ERG: variants seen among roughly 807,000 people sequenced by gnomAD.
The protein encoded by ERG is ETS transcription factor ERG.
In ERG, 9 loss-of-function variants were observed where a neutral mutation model predicts 55.3. The ratio of observed to expected loss-of-function variants is 0.16; its 90% CI spans 0.10 to 0.28. The LOEUF is 0.28. ERG is among the 10% of genes least tolerant of loss of function. ERG has a pLI of 1.00. For missense variants in ERG, 434 were observed against 631.6 expected, an observed-to-expected ratio of 0.69 and a Z score of 3.35; for synonymous variants, 223 against 237.3, an observed-to-expected ratio of 0.94 and a Z score of 0.55.
chr21:38,540,591 G>A (rs1020589644), intron 2 of ERG, among the ~76,000 whole-genome samples: 1 of 152,146 alleles, frequency 6.6e-6, no homozygotes, highest in African/African-American at 2.4e-5. Context: ...TGCTCCAGTG[G>A]AATGAAACCC....
intron 1 of ERG, among the ~76,000 whole-genome samples, chr21:38,653,000 C>T (rs151325840): frequency 2.1e-4 from 32 of 152,330 alleles, no homozygotes; most frequent in East Asian, 1.7e-3. Flanking sequence ...CCAGATTGCA[C>T]GGCATTCGCA....
intron 1 of ERG, among the ~76,000 whole-genome samples, chr21:38,615,976 C>A (rs2060256607): frequency 1.3e-5 from 2 of 152,080 alleles, no homozygotes; most frequent in African/African-American, 4.8e-5. Flanking sequence ...CAAATCTCAT[C>A]TCAATTTGTA....
chr21:38,482,008 G>A (rs959646328), intron 1 of ERG, among the ~76,000 whole-genome samples: 6 of 152,140 alleles, frequency 3.9e-5, no homozygotes, highest in African/African-American at 1.4e-4. Flanking sequence ...AATGAAAGTG[G>A]TGTTTGGTTT....
At chr21:38,396,424 T>C (rs1207853505) in intron 6 of ERG, among the ~76,000 whole-genome samples, 1 of 152,244 alleles carries the variant, frequency 6.6e-6, no homozygotes, top group Non-Finnish European at 1.5e-5. Flanking sequence ...AGTTGTATTG[T>C]CTCACTATGC....
chr21:38,571,957 G>A (rs773979881), intron 2 of ERG, among the ~76,000 whole-genome samples: 1 of 152,148 alleles, frequency 6.6e-6, no homozygotes, highest in East Asian at 1.9e-4. Flanking sequence ...GAAAACTCAA[G>A]TCCTTCTCAG....
chr21:38,613,299 G>A (rs761626431), intron 1 of ERG, among the ~76,000 whole-genome samples: 50 of 152,178 alleles, frequency 3.3e-4, no homozygotes, highest in Non-Finnish European at 4.7e-4. Context: ...GTTAGCACAC[G>A]CGGCCCCTTT....
intron 1 of ERG, among the ~76,000 whole-genome samples, chr21:38,631,074 AGAAACC>A (rs1310653814): frequency 1.3e-5 from 2 of 152,252 alleles, no homozygotes; most frequent in African/African-American, 4.8e-5. Flanking sequence ...CAGCCTTGGC[AGAAACC>A]AGGATGTGAC....
At chr21:38,373,103 C>T in the ERG span, among the ~76,000 whole-genome samples, 2 of 152,150 alleles carry the variant, frequency 1.3e-5, no homozygotes, top group African/African-American at 4.8e-5. Context: ...GTACAGGGAT[C>T]CCTGATGGGG....
intron 1 of ERG, among the ~76,000 whole-genome samples, chr21:38,638,881 C>G (rs535595876): frequency 1.3e-5 from 2 of 152,292 alleles, no homozygotes; most frequent in East Asian, 3.9e-4. Flanking sequence ...TTTAGGGTTC[C>G]TCTCCAGAGA....
rs144128732 is a variant in ERG at position 38,491,729 on chromosome 21, C to T, written c.18+6634G>A. Among the ~76,000 whole-genome samples, 1,409 of 152,274 alleles carry T rather than the reference C, an allele frequency of 9.3e-3. 8 individuals carry two copies. The highest frequency in any genetic ancestry group is 0.015 in the Non-Finnish European group (997 of 68,018). On this transcript the variant is annotated intron_variant, in intron 1 of 9. Coordinates refer to ENST00000288319, the MANE Select transcript of ERG (RefSeq NM_182918.4). ...AGACTTGTTAAGGCCTTATGGAAAA[C>T]TCTGACCTGCGTGTTCATTATTGAC... is the stretch of plus-strand genomic sequence containing the variant.
At chr21:38,477,296 G>A (rs189616403) in intron 1 of ERG, among the ~76,000 whole-genome samples, 68 of 152,198 alleles carry the variant, frequency 4.5e-4, no homozygotes, top group African/African-American at 1.5e-3. Context: ...GAGTCACTGC[G>A]CCTGGACTTC....
chr21:38,455,752 T>A (rs567236426), intron 1 of ERG, among the ~76,000 whole-genome samples: 1 of 152,218 alleles, frequency 6.6e-6, no homozygotes, highest in East Asian at 1.9e-4. Flanking sequence ...TTTTAGCTAA[T>A]TTTCATCAGG....
intron 1 of ERG, among the ~76,000 whole-genome samples, chr21:38,619,977 G>C (rs2060280590): frequency 6.6e-6 from 1 of 152,206 alleles, no homozygotes; most frequent in African/African-American, 2.4e-5. Flanking sequence ...GTATTATTCA[G>C]ACTCGAAATG....
chr21:38,605,941 G>A (rs1226724689), intron 1 of ERG, among the ~76,000 whole-genome samples: 1 of 152,114 alleles, frequency 6.6e-6, no homozygotes, highest in South Asian at 2.1e-4. Flanking sequence ...TAGGTAAATA[G>A]GTAGATGATT....
chr21:38,407,453 G>A (rs1988822816), intron 3 of ERG, among the ~76,000 whole-genome samples: 1 of 151,802 alleles, frequency 6.6e-6, no homozygotes, highest in Non-Finnish European at 1.5e-5. Flanking sequence ...TTCAGAGGGA[G>A]ATACAGCAAA....
chr21:38,605,425 T>C (rs2060190834), intron 1 of ERG, among the ~76,000 whole-genome samples: 1 of 152,118 alleles, frequency 6.6e-6, no homozygotes, highest in East Asian at 1.9e-4. Context: ...TACAAGCACG[T>C]TGAAATGCTA....
chr21:38,416,548 T>C (rs931149035), intron 3 of ERG, among the ~76,000 whole-genome samples: 11 of 152,240 alleles, frequency 7.2e-5, no homozygotes, highest in African/African-American at 2.7e-4. Context: ...TCATTTGTAT[T>C]TTTAACTGCC....
chr21:38,424,187 G>GTCTCTCTCTCT lies in ERG; in HGVS notation c.237-627_237-626insAGAGAGAGAGA, dbSNP rs1569087250. ...AGAAAAGAAAGAGACCAGAGCTCGA[G>GTCTCTCTCTCT]CTCTCTCTCTCTCTCTCTCTCTCTC... On this transcript the variant is annotated intron_variant, in intron 2 of 9. Coordinates refer to ENST00000288319, the MANE Select transcript of ERG (RefSeq NM_182918.4). Among the ~76,000 whole-genome samples the GTCTCTCTCTCT allele has an allele frequency of 9.2e-3, 1,009 of 110,114 alleles. 35 individuals are homozygous for GTCTCTCTCTCT. The highest frequency in any genetic ancestry group is 0.022 in the Middle Eastern group (5 of 226). 72.2% of individuals were successfully genotyped at this position (110,114 alleles called of 152,430 possible).
intron 2 of ERG, among the ~76,000 whole-genome samples, chr21:38,551,229 T>C (rs2059822332): frequency 1.3e-5 from 2 of 152,068 alleles, no homozygotes; most frequent in South Asian, 4.1e-4. Context: ...TATTTGGATC[T>C]TCTCTCTTTT....
Sources: gnomAD v4.1 joint callset for allele counts (sites outside exome capture counted in the v4.1 genomes callset) on GRCh38, gnomAD v4.1.1 for gene constraint, MANE v1.5 for transcripts, NCBI Gene and HGNC (gene_info 2026-07-23, HGNC 2026-07-21) for gene names.